Variants in DLGAP1 observed in about 807,000 individuals in gnomAD.
DLGAP1 encodes the protein disks large-associated protein 1.
DLGAP1 carries 11 observed loss-of-function variants against 90.8 expected under a neutral mutation model. The observed-to-expected ratio is 0.12, with a 90% CI of 0.08 to 0.20. The LOEUF is 0.20. DLGAP1 is among the 10% of genes least tolerant of loss of function. The pLI, the probability that DLGAP1 is intolerant of heterozygous loss-of-function variation, is 1.00. For synonymous variants in DLGAP1, 558 were observed against 540.7 expected, an observed-to-expected ratio of 1.03 and a Z score of -0.44; for missense variants, 1,050 against 1,333.8, an observed-to-expected ratio of 0.79 and a Z score of 3.31.
At chr18:4,335,143 T>A (rs2081041785) in intron 1 of DLGAP1, among the ~76,000 whole-genome samples, 1 of 151,986 alleles carries the variant, frequency 6.6e-6, no homozygotes, top group Admixed American at 6.5e-5. Context: ...TAAAAAACAG[T>A]TGACTGAGCA....
At chr18:3,826,785 T>G (rs1023006786) in intron 4 of DLGAP1, among the ~76,000 whole-genome samples, 1 of 152,120 alleles carries the variant, frequency 6.6e-6, no homozygotes, top group Non-Finnish European at 1.5e-5. Context: ...TCACGCAGGT[T>G]GCTAAGTTGA....
chr18:4,242,062 A>G (rs2078547091), intron 1 of DLGAP1, among the ~76,000 whole-genome samples: 2 of 152,146 alleles, frequency 1.3e-5, no homozygotes, highest in South Asian at 4.1e-4. Context: ...CATGAAAACC[A>G]TCAGGCGCCA....
chr18:4,419,106 A>G (rs1443822184), intron 1 of DLGAP1, among the ~76,000 whole-genome samples: 1 of 152,220 alleles, frequency 6.6e-6, no homozygotes, highest in East Asian at 1.9e-4. Flanking sequence ...GTTTTTCAAA[A>G]ATGAAGAAGT....
At chr18:3,825,021 G>C (rs1336795290) in intron 4 of DLGAP1, among the ~76,000 whole-genome samples, 1 of 152,178 alleles carries the variant, frequency 6.6e-6, no homozygotes, top group Non-Finnish European at 1.5e-5. Context: ...TGTACTTTAA[G>C]CTACGTTTCA....
intron 2 of DLGAP1, among the ~76,000 whole-genome samples, chr18:4,026,873 C>T (rs2074708491): frequency 6.6e-6 from 1 of 152,078 alleles, no homozygotes; most frequent in Non-Finnish European, 1.5e-5. Flanking sequence ...TGTTCCTTTC[C>T]AAGGTTTAGG....
intron 1 of DLGAP1, among the ~76,000 whole-genome samples, chr18:4,298,578 T>A (rs199573261): frequency 1.1e-4 from 17 of 148,366 alleles, no homozygotes; most frequent in Admixed American, 3.4e-4. Flanking sequence ...AACGATGAGA[T>A]CACATGGACA....
intron 1 of DLGAP1, among the ~76,000 whole-genome samples, chr18:4,213,121 A>G (rs916366390): frequency 6.6e-6 from 1 of 152,224 alleles, no homozygotes; most frequent in African/African-American, 2.4e-5. Context: ...TGAAGGTATA[A>G]AGATTAATGA....
At chr18:3,898,158 C>A (rs2071696394) in intron 3 of DLGAP1, among the ~76,000 whole-genome samples, 1 of 152,094 alleles carries the variant, frequency 6.6e-6, no homozygotes, top group African/African-American at 2.4e-5. Context: ...GTTGAGCATC[C>A]CAAATCTGAA....
intron 1 of DLGAP1, among the ~76,000 whole-genome samples, chr18:4,316,664 A>G (rs940911958): frequency 3.9e-5 from 6 of 152,168 alleles, no homozygotes; most frequent in Non-Finnish European, 8.8e-5. Context: ...TTCTCTCTGC[A>G]TGGTTGCAGC....
intron 3 of DLGAP1, among the ~76,000 whole-genome samples, chr18:3,915,436 T>C (rs35936856): frequency 0.21 from 31,932 of 152,040 alleles, 3,795 homozygotes; most frequent in African/African-American, 0.32. Flanking sequence ...GTGCAGCTCA[T>C]GGAAGGAGGG....
intron 10 of DLGAP1, among the ~76,000 whole-genome samples, chr18:3,521,577 A>T (rs2144155477): frequency 6.6e-6 from 1 of 152,232 alleles, no homozygotes; most frequent in Non-Finnish European, 1.5e-5. Flanking sequence ...CAAAGTCCTC[A>T]TCCTTATGAT....
At chr18:4,248,187 TG>T (rs1221586914) in intron 1 of DLGAP1, among the ~76,000 whole-genome samples, 2 of 152,148 alleles carry the variant, frequency 1.3e-5, no homozygotes, top group African/African-American at 4.8e-5. Flanking sequence ...CCTGTGCAAC[TG>T]CATTAATTAG....
intron 3 of DLGAP1, among the ~76,000 whole-genome samples, chr18:3,880,695 C>T (rs2071132849): frequency 6.6e-6 from 1 of 151,960 alleles, no homozygotes; most frequent in African/African-American, 2.4e-5. Flanking sequence ...GTAATCCCAG[C>T]ACTTTGGGGG....
chr18:3,897,566 G>A (rs1296806074), intron 3 of DLGAP1, among the ~76,000 whole-genome samples: 1 of 152,140 alleles, frequency 6.6e-6, no homozygotes, highest in Non-Finnish European at 1.5e-5. Context: ...TGTATAAAAT[G>A]TTGATGATGG....
rs1273655089 is a variant in DLGAP1 at position 4,342,016 on chromosome 18, G to A, written c.-267+112990C>T. Among the ~76,000 whole-genome samples, 1 of 151,878 alleles carries A rather than the reference G, an allele frequency of 6.6e-6. No individual in the cohort carries two copies. The highest frequency in any genetic ancestry group is 2.4e-5 in the African/African-American group (1 of 41,322). ...TATCCACAAGTAAAAATAAATAGCT[G>A]AACCTGCCACACAAGATCATCTTCA... On this transcript the variant is annotated intron_variant, in intron 1 of 12. Coordinates refer to ENST00000315677, the MANE Select transcript of DLGAP1 (RefSeq NM_004746.4). This position sits in a 1 kb window ranked among gnomAD's most constrained non-coding sequence, Gnocchi z 5.8.
intron 2 of DLGAP1, among the ~76,000 whole-genome samples, chr18:4,105,273 T>A (rs1381435651): frequency 6.6e-6 from 1 of 152,188 alleles, no homozygotes; most frequent in African/African-American, 2.4e-5. Flanking sequence ...CAGCCTGTGT[T>A]CAAGGCCACG....
At chr18:4,405,479 A>G (rs1460711323) in intron 1 of DLGAP1, among the ~76,000 whole-genome samples, 1 of 152,188 alleles carries the variant, frequency 6.6e-6, no homozygotes, top group East Asian at 1.9e-4. Context: ...TTATTCAAAG[A>G]ACAACACAAT....
At position 4,151,205 on chromosome 18, in the gene DLGAP1, C is replaced by G. The variant is rs1568422735; in HGVS notation, c.-184G>C. The G allele has an allele frequency of 6.6e-6, 1 of 152,088 alleles. No individual in the cohort carries two copies. The highest frequency in any genetic ancestry group is 2.1e-4 in the South Asian group (1 of 4,824). 9.4% of individuals were successfully genotyped at this position (152,088 alleles called of 1,614,324 possible). The stretch of plus-strand genomic sequence containing the variant: ...CTTTGATTATCAATTGTCCATTTTC[C>G]TTGCTTCCGAGTCAGGAAAAGATCC... On this transcript the variant is annotated 5_prime_UTR_variant, in exon 2 of 13. Transcript: ENST00000315677.
chr18:4,068,798 A>AG (rs1301986242), intron 2 of DLGAP1, among the ~76,000 whole-genome samples: 1 of 152,206 alleles, frequency 6.6e-6, no homozygotes, highest in Non-Finnish European at 1.5e-5. Flanking sequence ...TGTAAAAGCC[A>AG]GGAACTGGGG....
Sources: gnomAD v4.1 joint callset for allele counts (sites outside exome capture counted in the v4.1 genomes callset) on GRCh38, gnomAD v4.1.1 for gene constraint, Gnocchi (gnomAD v3.1) non-coding constraint, MANE v1.5 for transcripts, NCBI Gene and HGNC (gene_info 2026-07-23, HGNC 2026-07-21) for gene names.